Variants in EFNB2 observed in about 807,000 individuals in gnomAD.
EFNB2 encodes ephrin B2, also known as ephrin-B2.
A neutral mutation model predicts 32.1 loss-of-function variants in EFNB2; 5 were observed. The ratio of observed to expected loss-of-function variants is 0.16; its 90% CI spans 0.08 to 0.33. The LOEUF is 0.33. Ranked by LOEUF, EFNB2 falls within the 10% of genes least tolerant of loss-of-function variation. EFNB2 has a pLI of 1.00. For synonymous variants in EFNB2, 168 were observed against 166.5 expected (o/e 1.01, Z -0.07); for missense variants, 263 against 422.6 (o/e 0.62, Z 3.31).
In EFNB2 at chr13:106,493,446, G is replaced by C; in HGVS notation, c.614-18C>G. The C allele has an allele frequency of 6.3e-7, 1 of 1,594,182 alleles. No individual in the cohort carries two copies. Among genetic ancestry groups the C allele is most frequent in the Non-Finnish European group, 8.6e-7 (1 of 1,168,550 alleles). ...GCTAGAACCTGCAGACGCGGAGACA[G>C]AAAAGGTCAGAGATAGTTACTGCTG... On this transcript the variant is annotated intron_variant, in intron 4 of 4. Transcript: ENST00000646441. The surrounding 1 kb of genome is among the most constrained non-coding windows in gnomAD (Gnocchi z 6.1).
intron 2 of EFNB2, among the ~76,000 whole-genome samples, chr13:106,497,995 T>G (rs1878646266): frequency 6.6e-6 from 1 of 152,206 alleles, no homozygotes; most frequent in Non-Finnish European, 1.5e-5. Context: ...ATGTTTGGTT[T>G]ACTTCATTCA....
In EFNB2 at chr13:106,535,131, T is replaced by G. The variant is rs113560651; in HGVS notation, c.-167A>C. On this transcript the variant is annotated 5_prime_UTR_variant, in exon 1 of 5. Coordinates refer to ENST00000646441, the MANE Select transcript of EFNB2 (RefSeq NM_004093.4). Reference sequence around the variant, plus strand: ...CCAGCGGTCGCCGGGCCAGGTGCGCTCGCTCTCCGGGGCCCTCAGGGCGCG... The same window carrying G: ...CCAGCGGTCGCCGGGCCAGGTGCGCGCGCTCTCCGGGGCCCTCAGGGCGCG... The G allele has an allele frequency of 1.7e-5, 12 of 721,204 alleles. No homozygotes were observed. Among genetic ancestry groups the G allele is most frequent in the South Asian group, 3.9e-5 (1 of 25,528 alleles). The allele number at this position is 721,204 out of a possible 1,614,324, so 44.7% of individuals were successfully genotyped here.
chr13:106,524,522 T>G (rs1453585250), intron 1 of EFNB2, among the ~76,000 whole-genome samples: 2 of 152,238 alleles, frequency 1.3e-5, no homozygotes, highest in Non-Finnish European at 2.9e-5. Flanking sequence ...TCAGGAGTAT[T>G]TGTCAGGCAG....
In EFNB2 at chr13:106,493,456, G is replaced by A; in HGVS notation, c.614-28C>T. On this transcript the variant is annotated intron_variant, in intron 4 of 4. Transcript: ENST00000646441. This position sits in a 1 kb window ranked among gnomAD's most constrained non-coding sequence, Gnocchi z 6.1. Reference sequence around the variant, plus strand: ...GCAGACGCGGAGACAGAAAAGGTCAGAGATAGTTACTGCTGTCCCAGTGCA... The same window carrying A: ...GCAGACGCGGAGACAGAAAAGGTCAAAGATAGTTACTGCTGTCCCAGTGCA... 1 of 1,586,296 alleles carries A rather than the reference G, an allele frequency of 6.3e-7. No homozygotes were observed. The highest frequency in any genetic ancestry group is 8.6e-7 in the Non-Finnish European group (1 of 1,164,236).
intron 2 of EFNB2, among the ~76,000 whole-genome samples, chr13:106,501,649 G>A (rs918506723): frequency 1.3e-5 from 2 of 151,358 alleles, no homozygotes; most frequent in Non-Finnish European, 2.9e-5. Context: ...CTGGAGTGCA[G>A]TGGTGTGATC....
rs1409950314 is a variant in EFNB2 at position 106,494,792 on chromosome 13, G to A, written c.613+89C>T. 8 of 980,436 alleles carry A rather than the reference G, an allele frequency of 8.2e-6. No individual in the cohort carries two copies. The East Asian group carries it at 1.7e-4, about 21-fold the overall frequency. 60.7% of individuals were successfully genotyped at this position (980,436 alleles called of 1,614,324 possible). A position where few individuals can be genotyped will look rare whatever the true frequency, so the allele number is the denominator to read the frequency against. On this transcript the variant is annotated intron_variant, in intron 4 of 4. Transcript: ENST00000646441. The stretch of plus-strand genomic sequence containing the variant: ...ACTTCCAGCTAATCCTAACTGGTTA[G>A]AAGTCTTTAGACTCTGCCCTACCTT...
chr13:106,505,750 T>A (rs938416726), intron 2 of EFNB2, among the ~76,000 whole-genome samples: 5 of 152,212 alleles, frequency 3.3e-5, no homozygotes, highest in Non-Finnish European at 7.3e-5. Context: ...GTCCAATTAT[T>A]TATAAATCCC....
chr13:106,531,068 A>G (rs1879854228), intron 1 of EFNB2, among the ~76,000 whole-genome samples: 1 of 152,178 alleles, frequency 6.6e-6, no homozygotes, highest in African/African-American at 2.4e-5. Flanking sequence ...GAAATGTTGG[A>G]GTCATCTGCA....
At chr13:106,500,995 G>C (rs1878759108) in intron 2 of EFNB2, among the ~76,000 whole-genome samples, 2 of 152,044 alleles carry the variant, frequency 1.3e-5, no homozygotes, top group Admixed American at 1.3e-4. Context: ...AAAAGAATAA[G>C]GTAAGTTGAA....
At chr13:106,494,506 G>T (rs967981869) in intron 4 of EFNB2, among the ~76,000 whole-genome samples, 3 of 152,190 alleles carry the variant, frequency 2.0e-5, no homozygotes, top group Admixed American at 1.3e-4. Flanking sequence ...AACCCTCTGT[G>T]GCTTAGATAT....
At chr13:106,522,739 T>C (rs138004525) in intron 1 of EFNB2, among the ~76,000 whole-genome samples, 64 of 152,300 alleles carry the variant, frequency 4.2e-4, no homozygotes, top group African/African-American at 1.5e-3. Flanking sequence ...TTCACCCATG[T>C]ATTATTAAAA....
At chr13:106,516,174 T>C (rs892097302) in intron 1 of EFNB2, 6 of 152,130 alleles carry the variant, frequency 3.9e-5, no homozygotes, top group African/African-American at 1.4e-4. Context: ...AACCACTGAG[T>C]CGGTACAGGA....
chr13:106,510,241 A>G (rs1879096054), intron 2 of EFNB2: 2 of 152,012 alleles, frequency 1.3e-5, no homozygotes, highest in African/African-American at 4.8e-5. Context: ...GTAGATTAAT[A>G]TTATAATTAT....
chr13:106,533,686 A>G (rs1382354572), intron 1 of EFNB2, among the ~76,000 whole-genome samples: 1 of 152,192 alleles, frequency 6.6e-6, no homozygotes. Flanking sequence ...TCCTAAAACC[A>G]GGCCCAACTT....
At chr13:106,497,442 A>G (rs1878627929) in intron 2 of EFNB2, among the ~76,000 whole-genome samples, 1 of 144,322 alleles carries the variant, frequency 6.9e-6, no homozygotes, top group Non-Finnish European at 1.5e-5. Context: ...GACCATTAAG[A>G]AACTATTCAG....
chr13:106,491,724 G>C lies in EFNB2; in HGVS notation c.*1316C>G, dbSNP rs777751407. 10 of 152,582 alleles carry C rather than the reference G, an allele frequency of 6.6e-5. No homozygotes were observed. Among genetic ancestry groups the C allele is most frequent in the Non-Finnish European group, 1.3e-4 (9 of 68,086 alleles). 9.5% of individuals were successfully genotyped at this position (152,582 alleles called of 1,614,324 possible). A position where few individuals can be genotyped will look rare whatever the true frequency, so the allele number is the denominator to read the frequency against. Reference sequence around the variant, plus strand: ...AAGTGTCGTAAGGCTCAATCGGGAGGGGAAGGAGGAACCTGGGGGGAGGGG... The same window carrying C: ...AAGTGTCGTAAGGCTCAATCGGGAGCGGAAGGAGGAACCTGGGGGGAGGGG... On this transcript the variant is annotated 3_prime_UTR_variant, in exon 5 of 5. Coordinates refer to ENST00000646441, the MANE Select transcript of EFNB2 (RefSeq NM_004093.4).
At chr13:106,522,640 CT>C (rs1241134853) in intron 1 of EFNB2, among the ~76,000 whole-genome samples, 1 of 152,202 alleles carries the variant, frequency 6.6e-6, no homozygotes, top group Non-Finnish European at 1.5e-5. Flanking sequence ...GAGAGCATAT[CT>C]TTTGTTTTAA....
intron 1 of EFNB2, among the ~76,000 whole-genome samples, chr13:106,534,435 C>G (rs1879987671): frequency 6.6e-6 from 1 of 152,162 alleles, no homozygotes; most frequent in Non-Finnish European, 1.5e-5. Flanking sequence ...ACGCCGCCCG[C>G]GCTCCCCGCG....
intron 2 of EFNB2, among the ~76,000 whole-genome samples, 161 bp downstream of exon 2, chr13:106,512,368 T>A (rs1879168160): frequency 8.7e-6 from 1 of 114,978 alleles, no homozygotes; most frequent in Non-Finnish European, 1.7e-5. Context: ...CCAAATTCAA[T>A]GAAGTTTTCT....
Sources: gnomAD v4.1 joint callset for allele counts (sites outside exome capture counted in the v4.1 genomes callset) on GRCh38, gnomAD v4.1.1 for gene constraint, Gnocchi (gnomAD v3.1) non-coding constraint, MANE v1.5 for transcripts, NCBI Gene and HGNC (gene_info 2026-07-23, HGNC 2026-07-21) for gene names.